Variants in KANK1 observed in about 807,000 individuals in gnomAD.
KANK1 encodes KN motif and ankyrin repeat domains 1, also known as KN motif and ankyrin repeat domain-containing protein 1.
Under a neutral mutation model 106.2 loss-of-function variants are expected in KANK1, and 109 were observed. The observed-to-expected ratio is 1.03, with a 90% CI of 0.88 to 1.20. The LOEUF (loss-of-function observed/expected upper bound fraction) is 1.20, where lower values mean the gene tolerates loss of function less well. KANK1 is among the 50% of genes most tolerant of loss of function. The probability of loss-of-function intolerance (pLI) is 0.00; values close to 1 mark genes in which losing one functional copy is unlikely to be tolerated. For synonymous variants in KANK1, 873 were observed against 652.2 expected, an observed-to-expected ratio of 1.34 and a Z score of -5.16; for missense variants, 2,399 against 1,710.7, an observed-to-expected ratio of 1.40 and a Z score of -7.10.
intron 1 of KANK1, among the ~76,000 whole-genome samples, chr9:607,231 A>G (rs569300128): frequency 3.3e-5 from 5 of 151,870 alleles, no homozygotes; most frequent in Admixed American, 6.5e-5. Context: ...TATGCCTGTA[A>G]TCCCAGCATT....
At chr9:602,074 G>T (rs1448739395) in intron 1 of KANK1, among the ~76,000 whole-genome samples, 2 of 151,820 alleles carry the variant, frequency 1.3e-5, no homozygotes, top group Non-Finnish European at 2.9e-5. Context: ...ATGTTGAGTT[G>T]TTAAAATCAA....
chr9:720,325 T>C (rs774767102), intron 3 of KANK1, among the ~76,000 whole-genome samples: 27 of 152,204 alleles, frequency 1.8e-4, no homozygotes, highest in Non-Finnish European at 3.2e-4. Flanking sequence ...GAAGGTGTTT[T>C]GTAATTACTC....
At chr9:490,713 T>G (rs2058363796) in intron 3 of KANK1, among the ~76,000 whole-genome samples, 1 of 152,224 alleles carries the variant, frequency 6.6e-6, no homozygotes. Flanking sequence ...AAGCTCCCTA[T>G]GTTTACTTCA....
intron 1 of KANK1, among the ~76,000 whole-genome samples, chr9:529,234 T>TATATATATACAC (rs1554613765): frequency 5.4e-5 from 8 of 148,704 alleles, no homozygotes; most frequent in African/African-American, 2.0e-4. Context: ...TATATATATA[T>TATATATATACAC]ACACACACAC....
rs757410898 is a variant in KANK1 at position 730,000 on chromosome 9, G to A, written c.2699-51G>A. 10 of 1,503,788 alleles carry A rather than the reference G, an allele frequency of 6.6e-6. No individual in the cohort carries two copies. In the African/African-American group the frequency reaches 9.8e-5, roughly 15 times the overall value. 93.2% of individuals were successfully genotyped at this position (1,503,788 alleles called of 1,614,324 possible). On this transcript the variant is annotated intron_variant, in intron 3 of 11. Coordinates refer to ENST00000382297, the MANE Select transcript of KANK1 (RefSeq NM_015158.5). The stretch of plus-strand genomic sequence containing the variant: ...GCAAGAATTGTTTTTGTTGAAGCCT[G>A]CTTTTTCAGTCCTAGCATCACACAC...
At chr9:675,479 A>G (rs1485373434) in intron 1 of KANK1, among the ~76,000 whole-genome samples, 1 of 152,130 alleles carries the variant, frequency 6.6e-6, no homozygotes. Flanking sequence ...ATTTGCAAAA[A>G]CCAAAGGGGA....
intron 1 of KANK1, among the ~76,000 whole-genome samples, chr9:568,937 A>G (rs1192317594): frequency 3.3e-5 from 5 of 152,214 alleles, no homozygotes; most frequent in East Asian, 1.9e-4. Context: ...ATCGATTTCC[A>G]CACTCATCGG....
Position 738,503 on chromosome 9 carries a change from C to T in KANK1, c.3552C>T (p.Ala1184=), listed in dbSNP as rs766169056. The T allele has an allele frequency of 4.1e-5, 66 of 1,612,046 alleles. No homozygotes were observed. The highest frequency in any genetic ancestry group is 4.5e-5 in the East Asian group (2 of 44,884). Reference sequence around the variant, plus strand: ...AGATTGTGAAGCTGCTGTTAGATGCCGGTATGTTGGCTGCCCTTCCACCCT... The same window carrying T: ...AGATTGTGAAGCTGCTGTTAGATGCTGGTATGTTGGCTGCCCTTCCACCCT... ...NFEIVKLLLD[A]DVCNVDHQNK... is the part of the protein sequence containing the mutation. The change falls in exon 8 of 12, where the codon GCC becomes GCT. Residue 1184 remains alanine, a splice_region_variant and synonymous_variant. Transcript: ENST00000382297.
intron 1 of KANK1, among the ~76,000 whole-genome samples, chr9:627,354 T>G (rs1178165707): frequency 6.6e-6 from 1 of 152,018 alleles, no homozygotes; most frequent in African/African-American, 2.4e-5. Flanking sequence ...TGCCCAGGAT[T>G]TCTCACTCCT....
At chr9:736,683 G>A (rs372182845) in intron 7 of KANK1, among the ~76,000 whole-genome samples, 2 of 148,714 alleles carry the variant, frequency 1.3e-5, no homozygotes, top group African/African-American at 4.9e-5. Context: ...CTGGGAGACA[G>A]AGTGACACCC....
rs532261924 is a variant in KANK1 at position 605,704 on chromosome 9, A to C, written c.-83-71186A>C. Among the ~76,000 whole-genome samples, 3 of 151,868 alleles carry C rather than the reference A, an allele frequency of 2.0e-5. No individual in the cohort carries two copies. The East Asian group carries it at 5.8e-4, about 29-fold the overall frequency. ...TTCTGGGTTTTAAAAGAGAATAAGC[A>C]TGATCAGGCTGGGGATGTTGAGGAG... On this transcript the variant is annotated intron_variant, in intron 1 of 11. Transcript: ENST00000382297.
At chr9:552,769 G>T (rs780085651) in intron 1 of KANK1, among the ~76,000 whole-genome samples, 1 of 152,172 alleles carries the variant, frequency 6.6e-6, no homozygotes, top group Non-Finnish European at 1.5e-5. Flanking sequence ...CTTGATCAGG[G>T]TGCTTGTGGT....
chr9:509,823 A>T (rs534759597), intron 1 of KANK1, among the ~76,000 whole-genome samples: 11 of 152,026 alleles, frequency 7.2e-5, no homozygotes, highest in African/African-American at 2.4e-4. Flanking sequence ...TTGAGACAGG[A>T]TATCATTGTG....
chr9:473,892 G>T (rs1418434362), intron 3 of KANK1, among the ~76,000 whole-genome samples: 3 of 152,080 alleles, frequency 2.0e-5, no homozygotes, highest in Non-Finnish European at 4.4e-5. Flanking sequence ...TAGAGACAGG[G>T]TTTCACCATG....
intron 7 of KANK1, among the ~76,000 whole-genome samples, chr9:735,071 T>C (rs558782859): frequency 6.6e-6 from 1 of 152,128 alleles, no homozygotes; most frequent in African/African-American, 2.4e-5. Flanking sequence ...TTTCCTGGGG[T>C]GGAGGCATCT....
chr9:553,922 A>C (rs963829365), intron 1 of KANK1, among the ~76,000 whole-genome samples: 1 of 152,250 alleles, frequency 6.6e-6, no homozygotes, highest in African/African-American at 2.4e-5. Context: ...CTCAAACTTT[A>C]GCGTGCATTT....
chr9:674,804 A>G (rs1457523846), intron 1 of KANK1, among the ~76,000 whole-genome samples: 1 of 152,090 alleles, frequency 6.6e-6, no homozygotes, highest in East Asian at 1.9e-4. Flanking sequence ...CCCAGGTTCA[A>G]GTGGTTCTGG....
chr9:530,910 T>G (rs2060027328), intron 1 of KANK1, among the ~76,000 whole-genome samples: 2 of 152,238 alleles, frequency 1.3e-5, no homozygotes, highest in South Asian at 4.2e-4. Flanking sequence ...GAGTCATGAT[T>G]GTGGCACTGC....
At chr9:737,700 G>T (rs1164989547) in intron 7 of KANK1, among the ~76,000 whole-genome samples, 1 of 152,190 alleles carries the variant, frequency 6.6e-6, no homozygotes, top group Non-Finnish European at 1.5e-5. Context: ...TGGGAATTGG[G>T]TTGGCTATAC....
Sources: gnomAD v4.1 joint callset for allele counts (sites outside exome capture counted in the v4.1 genomes callset) on GRCh38, gnomAD v4.1.1 for gene constraint, MANE v1.5 for transcripts, NCBI Gene and HGNC (gene_info 2026-07-23, HGNC 2026-07-21) for gene names.